Variants in PCDH15 observed in about 807,000 individuals in gnomAD.
PCDH15 encodes the protein protocadherin-15.
In PCDH15, 129 loss-of-function variants were observed where a neutral mutation model predicts 178.5. The observed-to-expected ratio is 0.72, with a 90% CI of 0.63 to 0.84. PCDH15 has a LOEUF of 0.84. PCDH15 is among the 40% of genes least tolerant of loss of function. The pLI, the probability that PCDH15 is intolerant of heterozygous loss-of-function variation, is 0.00. For synonymous variants in PCDH15, 800 were observed against 732.0 expected, an observed-to-expected ratio of 1.09 and a Z score of -1.50; for missense variants, 2,230 against 2,099.9, an observed-to-expected ratio of 1.06 and a Z score of -1.21.
intron 7 of PCDH15, among the ~76,000 whole-genome samples, chr10:54,323,524 C>T (rs764971691): frequency 2.6e-5 from 4 of 152,244 alleles, no homozygotes; most frequent in Non-Finnish European, 4.4e-5. Context: ...CCACGGAATA[C>T]TACAAAGCCA....
chr10:54,825,703 C>A lies in PCDH15; in HGVS notation c.-29+71747G>T, dbSNP rs1953120303. Among the ~76,000 whole-genome samples the A allele has an allele frequency of 2.0e-5, 3 of 151,928 alleles. No homozygotes were observed. The South Asian group carries it at 6.2e-4, about 32-fold the overall frequency. The stretch of plus-strand genomic sequence containing the variant: ...AGAAGTGTCTGTTCATGTCCTTCGC[C>A]CATTTTTGATGGGGTTGTTTGTTTA... On this transcript the variant is annotated intron_variant, in intron 3 of 5. Transcript: ENST00000458638.
At chr10:54,137,438 C>CT (rs541409737) in intron 14 of PCDH15, among the ~76,000 whole-genome samples, 48 of 151,952 alleles carry the variant, frequency 3.2e-4, no homozygotes, top group Middle Eastern at 3.4e-3. Flanking sequence ...TACATATATA[C>CT]TTTTTTTTGA....
intron 1 of PCDH15, among the ~76,000 whole-genome samples, chr10:55,229,914 T>A (rs1165142839): frequency 2.6e-5 from 4 of 152,004 alleles, no homozygotes; most frequent in Non-Finnish European, 4.4e-5. Context: ...AGTGCTATAA[T>A]TCTGAACTAT....
intron 3 of PCDH15, among the ~76,000 whole-genome samples, chr10:54,462,512 C>CTTTTTTTTTTTTTTTTTTTTTTT (rs562731025): frequency 9.0e-5 from 6 of 66,888 alleles, no homozygotes; most frequent in South Asian, 6.0e-4. Flanking sequence ...TTTTTCTTTT[C>CTTTTTTTTTTTTTTTTTTTTTTT]TTTTTTTTTT....
intron 11 of PCDH15, among the ~76,000 whole-genome samples, chr10:54,190,588 T>A (rs571883274): frequency 1.3e-5 from 2 of 152,238 alleles, no homozygotes; most frequent in South Asian, 4.1e-4. Context: ...TTTATTTTTG[T>A]AGAGACTGCA....
chr10:55,460,034 C>G (rs1267324902), intron 2 of PCDH15, among the ~76,000 whole-genome samples: 1 of 151,826 alleles, frequency 6.6e-6, no homozygotes. Context: ...AAAACCAGAA[C>G]AGAACCCCAC....
At chr10:54,026,341 A>T (rs1275767542) in intron 18 of PCDH15, among the ~76,000 whole-genome samples, 1 of 152,114 alleles carries the variant, frequency 6.6e-6, no homozygotes, top group Non-Finnish European at 1.5e-5. Context: ...AAGTGCTGAG[A>T]TTACAGGCAT....
chr10:55,138,190 C>G (rs960637690), intron 2 of PCDH15, among the ~76,000 whole-genome samples: 3 of 151,996 alleles, frequency 2.0e-5, no homozygotes, highest in Non-Finnish European at 4.4e-5. Flanking sequence ...ATACTTTAAA[C>G]AACACATTTT....
At chr10:54,165,949 G>A (rs1466077786) in intron 13 of PCDH15, among the ~76,000 whole-genome samples, 1 of 150,434 alleles carries the variant, frequency 6.6e-6, no homozygotes, top group East Asian at 1.9e-4. Flanking sequence ...ATGAAATGCT[G>A]TTACAGAAAC....
intron 34 of PCDH15, among the ~76,000 whole-genome samples, chr10:53,817,504 TTTTTTC>T (rs1257418928): frequency 1.3e-5 from 2 of 151,118 alleles, no homozygotes; most frequent in African/African-American, 4.9e-5. Context: ...TCTTTGTTTT[TTTTTTC>T]TTTTTCTTTT....
chr10:54,202,677 C>T (rs35534700), intron 10 of PCDH15, among the ~76,000 whole-genome samples: 67,607 of 151,522 alleles, frequency 0.45, 17,569 homozygotes, highest in Non-Finnish European at 0.58. Context: ...CCGGGCATGG[C>T]GCTGCATGCC....
intron 1 of PCDH15, among the ~76,000 whole-genome samples, chr10:54,750,853 C>A (rs1426635456): frequency 6.6e-6 from 1 of 151,976 alleles, no homozygotes; most frequent in Non-Finnish European, 1.5e-5. Flanking sequence ...TCAAAATGTT[C>A]TTCCAAACAC....
chr10:55,195,106 C>T (rs1441214539), intron 1 of PCDH15, among the ~76,000 whole-genome samples: 2 of 151,226 alleles, frequency 1.3e-5, no homozygotes, highest in African/African-American at 2.4e-5. Flanking sequence ...TCACTGCAAC[C>T]TCTGCCTCCC....
At chr10:55,022,861 C>A (rs1722084687) in intron 2 of PCDH15, among the ~76,000 whole-genome samples, 1 of 151,102 alleles carries the variant, frequency 6.6e-6, no homozygotes, top group Non-Finnish European at 1.5e-5. Context: ...CAGGCGCCCG[C>A]CACCATGACT....
chr10:54,330,173 A>C (rs1328696389), intron 6 of PCDH15, among the ~76,000 whole-genome samples: 1 of 17,628 alleles, frequency 5.7e-5, no homozygotes, highest in African/African-American at 1.9e-4. Context: ...TAAATACAAA[A>C]AAAAAAATAC....
chr10:54,231,937 C>A (rs1296073950), intron 9 of PCDH15, among the ~76,000 whole-genome samples: 1 of 152,130 alleles, frequency 6.6e-6, no homozygotes, highest in Non-Finnish European at 1.5e-5. Flanking sequence ...AGGGACTTGC[C>A]TTGTCTCAGA....
At chr10:54,939,929 C>A (rs1029652900) in intron 2 of PCDH15, among the ~76,000 whole-genome samples, 3 of 152,106 alleles carry the variant, frequency 2.0e-5, no homozygotes, top group Admixed American at 2.0e-4. Context: ...TAATACCTAC[C>A]ATCACCTTAG....
At chr10:54,265,650 G>A (rs1036394824) in intron 8 of PCDH15, among the ~76,000 whole-genome samples, 13 of 151,964 alleles carry the variant, frequency 8.6e-5, no homozygotes, top group African/African-American at 3.1e-4. Context: ...CAGATCTTAA[G>A]CCTAAAACAG....
At chr10:55,098,942 C>T (rs1842513861) in intron 2 of PCDH15, among the ~76,000 whole-genome samples, 1 of 91,798 alleles carries the variant, frequency 1.1e-5, no homozygotes, top group African/African-American at 5.2e-5. Context: ...GAGCTCTTAT[C>T]CTTTCTCTTT....
Sources: gnomAD v4.1 joint callset for allele counts (sites outside exome capture counted in the v4.1 genomes callset) on GRCh38, gnomAD v4.1.1 for gene constraint, MANE v1.5 for transcripts, NCBI Gene and HGNC (gene_info 2026-07-23, HGNC 2026-07-21) for gene names.